SMG6: variants seen among roughly 807,000 people sequenced by gnomAD.
SMG6 encodes SMG6 nonsense mediated mRNA decay factor.
SMG6 carries 66 observed loss-of-function variants against 142.2 expected under a neutral mutation model. The observed-to-expected ratio is 0.46, with a 90% CI of 0.38 to 0.57. The LOEUF (loss-of-function observed/expected upper bound fraction) is 0.57. SMG6 is among the 20% of genes least tolerant of loss of function. The pLI is 0.00. For synonymous variants in SMG6, 779 were observed against 702.4 expected (o/e 1.11, Z -1.72); for missense variants, 1,793 against 1,832.0 (o/e 0.98, Z 0.39).
At chr17:2,173,874 C>A (rs1460066691) in intron 12 of SMG6, among the ~76,000 whole-genome samples, 1 of 97,238 alleles carries the variant, frequency 1.0e-5, no homozygotes, top group Non-Finnish European at 2.0e-5. Flanking sequence ...TTTTTTTTGG[C>A]CTGCCCAGGG....
chr17:2,197,329 C>G lies in SMG6; in HGVS notation c.2870-8814G>C, dbSNP rs1013318596. Among the ~76,000 whole-genome samples, 3 of 151,944 alleles carry G rather than the reference C, an allele frequency of 2.0e-5. No individual in the cohort carries two copies. In the South Asian group the frequency reaches 6.2e-4, roughly 32 times the overall value. On this transcript the variant is annotated intron_variant, in intron 10 of 18. Coordinates refer to ENST00000263073, the MANE Select transcript of SMG6 (RefSeq NM_017575.5). ...CTATAATTCCAGCACGCTGGGAGGC[C>G]AAGGTGGGAGAATTGCTTGAGCCCA... is the stretch of plus-strand genomic sequence containing the variant.
chr17:2,293,532 T>C (rs216203), intron 4 of SMG6, among the ~76,000 whole-genome samples: 86,974 of 151,912 alleles, frequency 0.57, 26,165 homozygotes, highest in East Asian at 0.75. Context: ...TGTAGTGGCG[T>C]GATCTCAGCT....
intron 13 of SMG6, among the ~76,000 whole-genome samples, chr17:2,160,325 T>G (rs2071136952): frequency 6.6e-6 from 1 of 152,132 alleles, no homozygotes; most frequent in African/African-American, 2.4e-5. Context: ...GTTCAAGTGA[T>G]TCTTGTGCCT....
intron 9 of SMG6, among the ~76,000 whole-genome samples, chr17:2,242,639 G>C (rs1014816431): frequency 7.8e-6 from 1 of 128,734 alleles, no homozygotes. Flanking sequence ...TCACACCTGT[G>C]AATAGCCACT....
At chr17:2,192,884 G>A (rs1214138175) in intron 10 of SMG6, among the ~76,000 whole-genome samples, 1 of 152,202 alleles carries the variant, frequency 6.6e-6, no homozygotes, top group Non-Finnish European at 1.5e-5. Context: ...AAATCTCAGA[G>A]CAAAAGCAGA....
intron 8 of SMG6, among the ~76,000 whole-genome samples, chr17:2,279,816 A>G (rs989733457): frequency 2.0e-5 from 3 of 152,134 alleles, no homozygotes; most frequent in African/African-American, 4.8e-5. Flanking sequence ...CAGTTCCTGA[A>G]GCCTCCATGC....
At chr17:2,103,336 A>C (rs931538439) in intron 13 of SMG6, among the ~76,000 whole-genome samples, 1 of 152,270 alleles carries the variant, frequency 6.6e-6, no homozygotes, top group Admixed American at 6.5e-5. Context: ...AATGCGAACT[A>C]ACAGTGAGAG....
intron 10 of SMG6, among the ~76,000 whole-genome samples, chr17:2,210,676 A>T (rs771022748): frequency 5.3e-5 from 8 of 151,796 alleles, no homozygotes; most frequent in Non-Finnish European, 8.8e-5. Context: ...CCCAAGAAAC[A>T]GGCAGAGAGG....
chr17:2,189,549 T>C (rs2072096598), intron 10 of SMG6, among the ~76,000 whole-genome samples: 1 of 152,154 alleles, frequency 6.6e-6, no homozygotes, highest in South Asian at 2.1e-4. Flanking sequence ...AGGAGAACTC[T>C]CAGAATCTCC....
At chr17:2,104,231 G>GCC (rs2069093395) in intron 13 of SMG6, among the ~76,000 whole-genome samples, 1 of 151,968 alleles carries the variant, frequency 6.6e-6, no homozygotes, top group African/African-American at 2.4e-5. Flanking sequence ...GATTACAGGC[G>GCC]TGAGCCACCG....
intron 8 of SMG6, among the ~76,000 whole-genome samples, chr17:2,258,044 C>T (rs1456309239): frequency 1.9e-4 from 20 of 107,624 alleles, no homozygotes; most frequent in Middle Eastern, 4.5e-3. Context: ...AATATACACA[C>T]ACACACACAC....
chr17:2,226,595 C>CA (rs200413088), intron 10 of SMG6, among the ~76,000 whole-genome samples: 35 of 143,402 alleles, frequency 2.4e-4, no homozygotes, highest in African/African-American at 4.2e-4. Flanking sequence ...AACAAACAAA[C>CA]AAACAAAAAA....
rs12950603 is a variant in SMG6 at position 2,291,643 on chromosome 17, T to C, written c.2337+909A>G. ...AAGAATTTTCTTGGGAGGCTGAGGC[T>C]GGAGGATCACTTCGGCCCAGGTGTT... On this transcript the variant is annotated intron_variant, in intron 6 of 18. Transcript: ENST00000263073. Among the ~76,000 whole-genome samples the C allele has an allele frequency of 2.0e-5, 2 of 98,098 alleles. 1 individual carries two copies. Among genetic ancestry groups the C allele is most frequent in the Admixed American group, 2.1e-4 (2 of 9,462 alleles). 64.4% of individuals were successfully genotyped at this position (98,098 alleles called of 152,430 possible).
At chr17:2,279,575 T>C (rs557089806) in intron 8 of SMG6, among the ~76,000 whole-genome samples, 66 of 152,174 alleles carry the variant, frequency 4.3e-4, no homozygotes, top group Non-Finnish European at 7.5e-4. Context: ...TTCCATAGTA[T>C]ATGGATTACT....
chr17:2,067,861 A>C (rs1368957932), intron 16 of SMG6, among the ~76,000 whole-genome samples: 1 of 152,182 alleles, frequency 6.6e-6, no homozygotes, highest in African/African-American at 2.4e-5. Context: ...GCCCAATGGA[A>C]CATCTTGGCA....
chr17:2,105,083 A>ATTTTTTTTTTT (rs549898049), intron 13 of SMG6, among the ~76,000 whole-genome samples: 9 of 103,152 alleles, frequency 8.7e-5, no homozygotes, highest in African/African-American at 1.3e-4. Flanking sequence ...CACCCAGCTA[A>ATTTTTTTTTTT]TTTTTTTTTT....
chr17:2,144,008 C>T (rs887151423), intron 13 of SMG6, among the ~76,000 whole-genome samples: 17 of 149,708 alleles, frequency 1.1e-4, no homozygotes, highest in Admixed American at 6.6e-4. Flanking sequence ...CCCACTTAGC[C>T]TCCCAAGTAC....
rs141618705 is a variant in SMG6 at position 2,250,696 on chromosome 17, A to T, written c.2662-5977T>A. Among the ~76,000 whole-genome samples, 108 of 152,168 alleles carry T rather than the reference A, an allele frequency of 7.1e-4. 1 individual carries two copies. Among genetic ancestry groups the T allele is most frequent in the African/African-American group, 2.2e-3 (92 of 41,532 alleles). The stretch of plus-strand genomic sequence containing the variant: ...ACTGGTCCTGGCCCCATATATTTTT[A>T]AAAAAACAAAACTTTCTTGCATTTT... On this transcript the variant is annotated intron_variant, in intron 8 of 18. Coordinates refer to ENST00000263073, the MANE Select transcript of SMG6 (RefSeq NM_017575.5).
chr17:2,095,875 C>G (rs2068843445), intron 13 of SMG6, among the ~76,000 whole-genome samples: 2 of 144,454 alleles, frequency 1.4e-5, no homozygotes, highest in Admixed American at 1.4e-4. Context: ...ACTACTGGCA[C>G]TTGTGGCTAT....
Sources: gnomAD v4.1 joint callset for allele counts (sites outside exome capture counted in the v4.1 genomes callset) on GRCh38, gnomAD v4.1.1 for gene constraint, MANE v1.5 for transcripts, NCBI Gene and HGNC (gene_info 2026-07-23, HGNC 2026-07-21) for gene names.